The following TP73 variants were observed in gnomAD, a reference collection of about 807,000 sequenced individuals.
The protein encoded by TP73 is p53-like transcription factor.
Under a neutral mutation model 62.5 loss-of-function variants are expected in TP73, and 25 were observed. The observed-to-expected ratio is 0.40, with a 90% CI of 0.29 to 0.56. TP73 has a LOEUF of 0.56. TP73 is among the 20% of genes least tolerant of loss of function. TP73 has a pLI of 0.46. For missense variants in TP73, 754 were observed against 913.3 expected, an observed-to-expected ratio of 0.83 and a Z score of 2.25; for synonymous variants, 423 against 377.5, an observed-to-expected ratio of 1.12 and a Z score of -1.40.
intron 1 of TP73, among the ~76,000 whole-genome samples, chr1:3,677,747 G>A (rs1285099538): frequency 6.8e-6 from 1 of 146,480 alleles, no homozygotes; most frequent in Admixed American, 6.9e-5. Context: ...AGACTGGAGT[G>A]CAGTGGTGCA....
chr1:3,661,697 G>GTGTATATATA (rs1644990403), intron 1 of TP73, among the ~76,000 whole-genome samples: 2 of 136,772 alleles, frequency 1.5e-5, no homozygotes, highest in South Asian at 4.6e-4. Flanking sequence ...GCAACAAACT[G>GTGTATATATA]TATATACACA....
intron 13 of TP73, 51 bp from the exon 14 acceptor site, chr1:3,732,696 T>G (rs753272993): frequency 1.0e-5 from 15 of 1,497,578 alleles, no homozygotes; most frequent in Admixed American, 2.1e-5. Flanking sequence ...CGACCCCCCC[T>G]GCTCTCCCTG....
At position 3,732,824 on chromosome 1, in the gene TP73, C is replaced by T. The variant is rs774471316; in HGVS notation, c.1656C>T (p.His552=). ...GCCTGCAGGACCTGAAGCAGGGCCA[C>T]GACTACAGCACCGCGCAGCAGCTGC... The part of the protein sequence containing the change: ...WRGLQDLKQG[H]DYSTAQQLLR... Residue 552 remains histidine (H), a synonymous_variant, in exon 14 of 14, where the codon CAC becomes CAT. Coordinates refer to ENST00000378295, the MANE Select transcript of TP73 (RefSeq NM_005427.4). 13 of 1,609,922 alleles carry T rather than the reference C, an allele frequency of 8.1e-6. No individual in the cohort carries two copies. The highest frequency in any genetic ancestry group is 5.0e-5 in the Admixed American group (3 of 59,910).
At chr1:3,700,696 G>A (rs906219242) in intron 3 of TP73, among the ~76,000 whole-genome samples, 7 of 151,814 alleles carry the variant, frequency 4.6e-5, no homozygotes, top group African/African-American at 1.7e-4. Context: ...CAAGATAATC[G>A]CTTGAACCCA....
chr1:3,728,775 G>A (rs2124527563), intron 9 of TP73, among the ~76,000 whole-genome samples: 1 of 152,350 alleles, frequency 6.6e-6, no homozygotes, highest in African/African-American at 2.4e-5. Context: ...AGGAGTTTGA[G>A]ACCAAAGTGG....
chr1:3,731,745 G>A (rs570625242), intron 13 of TP73, among the ~76,000 whole-genome samples, 189 bp downstream of exon 13: 62 of 152,348 alleles, frequency 4.1e-4, no homozygotes, highest in African/African-American at 1.3e-3. Flanking sequence ...GGCTGGTGGC[G>A]CGGGACACAG....
chr1:3,658,575 T>C (rs1644916509), intron 1 of TP73, among the ~76,000 whole-genome samples: 1 of 152,196 alleles, frequency 6.6e-6, no homozygotes, highest in Non-Finnish European at 1.5e-5. Context: ...AGAAAATGCG[T>C]CTTGGCGCGC....
chr1:3,707,410 G>T (rs529491156), intron 3 of TP73, 139 bp from the exon 4 acceptor site: 14 of 1,237,046 alleles, frequency 1.1e-5, no homozygotes, highest in Middle Eastern at 3.9e-4. Context: ...CTGTTGGGAT[G>T]GGGGAGAGAC....
At chr1:3,653,790 T>G (rs1294809037) in intron 1 of TP73, among the ~76,000 whole-genome samples, 1 of 152,208 alleles carries the variant, frequency 6.6e-6, no homozygotes, top group African/African-American at 2.4e-5. Flanking sequence ...GGGGAAAGAT[T>G]AAAAAGCATT....
chr1:3,661,799 TATATATA>T (rs1644996241), intron 1 of TP73, among the ~76,000 whole-genome samples: 2 of 147,792 alleles, frequency 1.4e-5, no homozygotes, highest in African/African-American at 4.9e-5. Flanking sequence ...ATACATACAC[TATATATA>T]ATATATGTAT....
chr1:3,672,718 C>G lies in TP73; in HGVS notation c.-33-9615C>G, dbSNP rs1483016081. 6.6e-6 allele frequency among the ~76,000 whole-genome samples: 1 copy of G among 152,120 alleles called. No homozygotes were observed. Among genetic ancestry groups the G allele is most frequent in the East Asian group, 1.9e-4 (1 of 5,184 alleles). On this transcript the variant is annotated intron_variant, in intron 1 of 13. Transcript: ENST00000378295. The surrounding 1 kb of genome is among the most constrained non-coding windows in gnomAD (Gnocchi z 5.3). ...CCCGCCAGGGTCGCCCTTCCTCTAA[C>G]AGGTGGGCTCCTGGCAGGAAACATC...
In TP73 at chr1:3,733,284, T is replaced by A; in HGVS notation, c.*205T>A. The A allele has an allele frequency of 1.6e-6, 1 of 640,456 alleles. No homozygotes were observed. The highest frequency in any genetic ancestry group is 2.7e-6 in the Non-Finnish European group (1 of 375,752). The allele number at this position is 640,456 out of a possible 1,614,324, so 39.7% of individuals were successfully genotyped here. On this transcript the variant is annotated 3_prime_UTR_variant, in exon 14 of 14. Coordinates refer to ENST00000378295, the MANE Select transcript of TP73 (RefSeq NM_005427.4). ...CCGCCTGTGGACAGCCTGAGTCACC[T>A]GCAGAACCTTCTGGAGCTGCCCTAG...
chr1:3,717,555 G>A (rs1025675455), intron 4 of TP73, among the ~76,000 whole-genome samples: 6 of 152,340 alleles, frequency 3.9e-5, no homozygotes, highest in African/African-American at 4.8e-5. Context: ...GGAGGGGGGC[G>A]GCGGAGGGGA....
At chr1:3,728,347 TGA>T in intron 9 of TP73, 130 bp downstream of exon 9, 6 of 924,308 alleles carry the variant, frequency 6.5e-6, no homozygotes, top group Non-Finnish European at 9.7e-6. Flanking sequence ...CAGCCCTGTG[TGA>T]GAGGGTCCAG....
Position 3,732,882 on chromosome 1 carries a change from G to C in TP73, c.1714G>C (p.Gly572Arg). 1.2e-6 allele frequency: 2 copies of C among 1,611,566 alleles called. No homozygotes were observed. The highest frequency in any genetic ancestry group is 1.7e-6 in the Non-Finnish European group (2 of 1,179,648). ...RSSNAATISI[G>R]GSGELQRQRV... ...TAGCAACGCGGCCACCATCTCCATC[G>C]GCGGCTCAGGGGAACTGCAGCGCCA... The change falls in exon 14 of 14, where the codon GGC (glycine) becomes CGC (arginine). Residue 572 changes from glycine (G) to arginine (R), a missense_variant. Physicochemically the swap from Gly to Arg is moderately radical, Grantham distance 125. This residue lies in a region of TP73 where 458 missense variants were observed against 528.7 expected (regional missense o/e 0.87). Coordinates refer to ENST00000378295, the MANE Select transcript of TP73 (RefSeq NM_005427.4).
chr1:3,710,396 G>A (rs116577071), intron 4 of TP73, among the ~76,000 whole-genome samples: 1,725 of 152,218 alleles, frequency 0.011, 30 homozygotes, highest in African/African-American at 0.039. Flanking sequence ...GCAAGTGGTC[G>A]GCTCACAGTG....
In TP73 at chr1:3,666,150, AAGAG is replaced by A. The variant is rs1419088937; in HGVS notation, c.-34+13525_-34+13528del. On this transcript the variant is annotated intron_variant, in intron 1 of 13. Coordinates refer to ENST00000378295, the MANE Select transcript of TP73 (RefSeq NM_005427.4). The surrounding 1 kb of genome is among the most constrained non-coding windows in gnomAD (Gnocchi z 6.4). Reference sequence around the variant, plus strand: ...AAAAAAAAAAAAAAAAAAAAAAAAAAAGAGAGAGAGAGAGAGAGAATCTCACTCT... The same window carrying A: ...AAAAAAAAAAAAAAAAAAAAAAAAAAAGAGAGAGAGAGAGAATCTCACTCT... Among the ~76,000 whole-genome samples the A allele has an allele frequency of 3.0e-4, 42 of 138,688 alleles. No individual in the cohort carries two copies. Among genetic ancestry groups the A allele is most frequent in the Middle Eastern group, 3.8e-3 (1 of 264 alleles). The allele number at this position is 138,688 out of a possible 152,430, so 91.0% of individuals were successfully genotyped here.
rs1365527970 is a variant in TP73 at position 3,699,990 on chromosome 1, G to A, written c.187-7559G>A. 6.6e-6 allele frequency among the ~76,000 whole-genome samples: 1 copy of A among 152,068 alleles called. No individual in the cohort carries two copies. The highest frequency in any genetic ancestry group is 1.5e-5 in the Non-Finnish European group (1 of 67,992). On this transcript the variant is annotated intron_variant, in intron 3 of 13. Coordinates refer to ENST00000378295, the MANE Select transcript of TP73 (RefSeq NM_005427.4). The surrounding 1 kb of genome is among the most constrained non-coding windows in gnomAD (Gnocchi z 4.1). ...GCCAAGCCCAGGGCCCCAGGAAGCG[G>A]CCCCATCCTTGGGAGCTGTCCTGGC...
chr1:3,718,741 T>C (rs1290852824), intron 4 of TP73, among the ~76,000 whole-genome samples: 1 of 152,118 alleles, frequency 6.6e-6, no homozygotes, highest in East Asian at 1.9e-4. Context: ...TCCCCCTGAG[T>C]GTCTGGGGCT....
Sources: gnomAD v4.1 joint callset for allele counts (sites outside exome capture counted in the v4.1 genomes callset) on GRCh38, gnomAD v4.1.1 for gene constraint, gnomAD v4.1.1 regional missense constraint, Gnocchi (gnomAD v3.1) non-coding constraint, MANE v1.5 for transcripts, NCBI Gene and HGNC (gene_info 2026-07-23, HGNC 2026-07-21) for gene names.